Variants in ATP10A observed in about 807,000 individuals in gnomAD.
The protein encoded by ATP10A is phospholipid-transporting ATPase VA.
A neutral mutation model predicts 147.8 loss-of-function variants in ATP10A; 111 were observed. The ratio of observed to expected loss-of-function variants is 0.75; its 90% CI spans 0.64 to 0.88. ATP10A has a LOEUF of 0.88. ATP10A is among the 40% of genes least tolerant of loss of function. The pLI is 0.00. For synonymous variants in ATP10A, 875 were observed against 841.6 expected (o/e 1.04, Z -0.69); for missense variants, 1,927 against 1,959.0 (o/e 0.98, Z 0.31).
intron 13 of ATP10A, among the ~76,000 whole-genome samples, chr15:25,698,640 G>A (rs549070968): frequency 6.6e-5 from 10 of 152,152 alleles, no homozygotes; most frequent in African/African-American, 2.2e-4. Flanking sequence ...CGTGTTCAAG[G>A]GTCAACTGTA....
In ATP10A at chr15:25,799,442, G is replaced by A. The variant is rs566759050; in HGVS notation, c.450-18219C>T. ...CTACAAACTCAGGGGTGGGCAGCCCGGCCCAAGCACCCTAAACTCAGAGAT... is the reference window on the plus strand; with the variant it reads ...CTACAAACTCAGGGGTGGGCAGCCCAGCCCAAGCACCCTAAACTCAGAGAT... On this transcript the variant is annotated intron_variant, in intron 1 of 20. Transcript: ENST00000555815. Among the ~76,000 whole-genome samples the A allele has an allele frequency of 3.9e-5, 6 of 152,200 alleles. No homozygotes were observed. In the East Asian group the frequency reaches 5.8e-4, roughly 15 times the overall value.
chr15:25,726,793 T>A lies in ATP10A; in HGVS notation c.847+367A>T, dbSNP rs567777579. ...GAGGCCGGGCACGGTGACTCATGCC[T>A]GTAATCCCAGCACTTTGGGAGGCCA... On this transcript the variant is annotated intron_variant, in intron 4 of 20. Transcript: ENST00000555815. Among the ~76,000 whole-genome samples, 11 of 150,364 alleles carry A rather than the reference T, an allele frequency of 7.3e-5. No individual in the cohort carries two copies. The East Asian group carries it at 2.3e-3, about 31-fold the overall frequency.
chr15:25,805,637 G>T (rs573452035), intron 1 of ATP10A, among the ~76,000 whole-genome samples: 1 of 152,298 alleles, frequency 6.6e-6, no homozygotes, highest in South Asian at 2.1e-4. Context: ...TTGGAGGGGT[G>T]TGTCTGTCTT....
At chr15:25,681,664 A>C (rs1021353967) in intron 17 of ATP10A, among the ~76,000 whole-genome samples, 1 of 152,180 alleles carries the variant, frequency 6.6e-6, no homozygotes, top group Non-Finnish European at 1.5e-5. Context: ...GATGAAAAGC[A>C]CTACCAAACA....
At chr15:25,840,042 C>T (rs1421131327) in intron 1 of ATP10A, among the ~76,000 whole-genome samples, 4 of 152,190 alleles carry the variant, frequency 2.6e-5, no homozygotes, top group Admixed American at 2.6e-4. Context: ...TCTGGGGCCA[C>T]GTTCACCCCC....
chr15:25,804,602 C>G (rs888740197), intron 1 of ATP10A, among the ~76,000 whole-genome samples: 1 of 152,086 alleles, frequency 6.6e-6, no homozygotes. Context: ...AGGCCTTAAA[C>G]AGGTGGCCAG....
At chr15:25,730,301 C>CAAAAAAAAAAAA (rs763070472) in intron 3 of ATP10A, among the ~76,000 whole-genome samples, 11 of 9,152 alleles carry the variant, frequency 1.2e-3, no homozygotes, top group African/African-American at 2.3e-3. Flanking sequence ...GACTCTGTCT[C>CAAAAAAAAAAAA]AAAAAAAAAA....
chr15:25,723,241 G>A (rs997681858), intron 6 of ATP10A, among the ~76,000 whole-genome samples: 5 of 151,932 alleles, frequency 3.3e-5, no homozygotes, highest in Non-Finnish European at 7.4e-5. Flanking sequence ...CCAGCTACTC[G>A]GGAGGCTGAG....
intron 1 of ATP10A, among the ~76,000 whole-genome samples, chr15:25,824,046 T>C (rs1020100882): frequency 1.3e-5 from 2 of 152,186 alleles, no homozygotes; most frequent in East Asian, 3.9e-4. Flanking sequence ...AAATGGGGGC[T>C]GTAGTTTACC....
chr15:25,722,348 C>T (rs1902296632), intron 6 of ATP10A, among the ~76,000 whole-genome samples: 1 of 152,224 alleles, frequency 6.6e-6, no homozygotes, highest in African/African-American at 2.4e-5. Flanking sequence ...GATACAACCC[C>T]AAGTTCAGGG....
At chr15:25,860,213 C>A (rs1893696707) in intron 1 of ATP10A, among the ~76,000 whole-genome samples, 2 of 152,078 alleles carry the variant, frequency 1.3e-5, no homozygotes, top group Admixed American at 1.3e-4. Context: ...CCCTGTCCAC[C>A]CCCCGCCCCC....
chr15:25,708,272 C>G lies in ATP10A; in HGVS notation c.2373G>C (p.Lys791Asn). The change falls in exon 11 of 21, where the codon AAG (lysine) becomes AAC (asparagine). Residue 791 changes from lysine (K) to asparagine (N), a missense_variant. Physicochemically the swap from Lys to Asn is moderately conservative, Grantham distance 94. Coordinates refer to ENST00000555815, the MANE Select transcript of ATP10A (RefSeq NM_024490.4). ...GGTAATTCTGAGTTTTGCTCCGAATCTTTTTTTGATGCCTCCCTCTGGCGT... is the reference window on the plus strand; with the variant it reads ...GGTAATTCTGAGTTTTGCTCCGAATGTTTTTTTGATGCCTCCCTCTGGCGT... ...SVDARGRHQK[K>N]IRSKTQNYLN... 2 of 1,614,068 alleles carry G rather than the reference C, an allele frequency of 1.2e-6. No individual in the cohort carries two copies. Among genetic ancestry groups the G allele is most frequent in the South Asian group, 2.2e-5 (2 of 91,072 alleles).
intron 17 of ATP10A, among the ~76,000 whole-genome samples, chr15:25,681,791 C>T (rs1248435790): frequency 1.3e-5 from 2 of 152,154 alleles, no homozygotes; most frequent in Non-Finnish European, 2.9e-5. Context: ...CGGTGGCTCA[C>T]GCCTGTAATC....
At chr15:25,811,701 A>G (rs1891439617) in intron 1 of ATP10A, among the ~76,000 whole-genome samples, 1 of 150,624 alleles carries the variant, frequency 6.6e-6, no homozygotes, top group African/African-American at 2.5e-5. Context: ...GGGAGCCCAG[A>G]GACACCACAG....
chr15:25,735,003 C>CA (rs1419070120), intron 3 of ATP10A, among the ~76,000 whole-genome samples: 1 of 131,980 alleles, frequency 7.6e-6, no homozygotes, highest in African/African-American at 2.9e-5. Context: ...GTGGTGGGAG[C>CA]GGGGGGGGGG....
chr15:25,687,649 C>T (rs1899767390), intron 16 of ATP10A, 54 bp downstream of exon 16: 3 of 1,327,550 alleles, frequency 2.3e-6, no homozygotes, highest in Non-Finnish European at 3.0e-6. Context: ...AGGCGATGGT[C>T]CTAAGAACCG....
At chr15:25,835,883 G>A (rs1471787906) in intron 1 of ATP10A, among the ~76,000 whole-genome samples, 2 of 152,048 alleles carry the variant, frequency 1.3e-5, no homozygotes, top group Admixed American at 6.6e-5. Flanking sequence ...GTGCAATCTC[G>A]GCTCACTGCC....
chr15:25,677,817 C>T (rs1206250072), downstream of ATP10A: 3 of 152,320 alleles, frequency 2.0e-5, no homozygotes, highest in Non-Finnish European at 2.9e-5. Context: ...CTCCTCCCAG[C>T]TCCAGCTGGG....
At chr15:25,764,856 C>T (rs977287435) in intron 2 of ATP10A, among the ~76,000 whole-genome samples, 1 of 152,164 alleles carries the variant, frequency 6.6e-6, no homozygotes, top group East Asian at 1.9e-4. Flanking sequence ...CTAAAAGCTC[C>T]GGCCTGCTAA....
Sources: gnomAD v4.1 joint callset for allele counts (sites outside exome capture counted in the v4.1 genomes callset) on GRCh38, gnomAD v4.1.1 for gene constraint, MANE v1.5 for transcripts, NCBI Gene and HGNC (gene_info 2026-07-23, HGNC 2026-07-21) for gene names.